COL5A1: variants seen among roughly 807,000 people sequenced by gnomAD.
The protein encoded by COL5A1 is collagen type V alpha 1 chain.
COL5A1 carries 16 observed loss-of-function variants against 263.7 expected under a neutral mutation model. That is an observed-to-expected ratio of 0.06 (90% confidence interval 0.04 to 0.09). The LOEUF (loss-of-function observed/expected upper bound fraction) is 0.09. Ranked by LOEUF, COL5A1 falls within the 10% of genes least tolerant of loss-of-function variation. COL5A1 has a pLI of 1.00. For synonymous variants in COL5A1, 1,012 were observed against 1,004.5 expected (o/e 1.01, Z -0.14); for missense variants, 2,036 against 2,540.5 (o/e 0.80, Z 4.27).
intron 11 of COL5A1, among the ~76,000 whole-genome samples, chr9:134,740,967 G>A (rs570870477): frequency 7.2e-5 from 11 of 152,236 alleles, no homozygotes; most frequent in African/African-American, 2.2e-4. Flanking sequence ...GGAGCCCACC[G>A]GCCTCCCCAG....
chr9:134,726,697 C>G (rs924183124), intron 4 of COL5A1, among the ~76,000 whole-genome samples: 69 of 140,286 alleles, frequency 4.9e-4, no homozygotes, highest in East Asian at 1.3e-3. Flanking sequence ...GATGGAAGGA[C>G]TGGTAGATGT....
Position 134,821,205 on chromosome 9 carries a change from G to A in COL5A1, c.4555-892G>A, listed in dbSNP as rs947684227. ...CACGAGAATTAGAGAGGCATCCAGG[G>A]TCCCCACGGCCAGCGGGGAAAGCAC... is the stretch of plus-strand genomic sequence containing the variant. On this transcript the variant is annotated intron_variant, in intron 58 of 65. Transcript: ENST00000371817. The surrounding 1 kb of genome is among the most constrained non-coding windows in gnomAD (Gnocchi z 4.2). Among the ~76,000 whole-genome samples, 4 of 152,000 alleles carry A rather than the reference G, an allele frequency of 2.6e-5. No individual in the cohort carries two copies. The highest frequency in any genetic ancestry group is 2.0e-4 in the Admixed American group (3 of 15,266).
At chr9:134,839,166 C>T (rs1054627946) in intron 65 of COL5A1, among the ~76,000 whole-genome samples, 9 of 152,226 alleles carry the variant, frequency 5.9e-5, no homozygotes, top group African/African-American at 1.2e-4. Context: ...GCCTGATTGA[C>T]GGGGCCGCTG....
rs374394543 is a variant in COL5A1 at position 134,738,727 on chromosome 9, A to G, written c.1432-19A>G. The G allele has an allele frequency of 3.1e-6, 5 of 1,608,730 alleles. No individual in the cohort carries two copies. In the African/African-American group the frequency reaches 5.4e-5, roughly 17 times the overall value. ...GCGGCCCCATCTTCTAACTGCCCCA[A>G]CTTTATTTTTAATTCTAGGGTCTTC... On this transcript the variant is annotated intron_variant, in intron 10 of 65. Coordinates refer to ENST00000371817, the MANE Select transcript of COL5A1 (RefSeq NM_000093.5).
chr9:134,759,470 C>T (rs1385645986), intron 18 of COL5A1, among the ~76,000 whole-genome samples: 1 of 106,502 alleles, frequency 9.4e-6, no homozygotes, highest in Non-Finnish European at 1.7e-5. Flanking sequence ...CATGCACGCA[C>T]ACACACCCAC....
At chr9:134,721,562 G>T (rs1834457910) in intron 4 of COL5A1, among the ~76,000 whole-genome samples, 1 of 152,146 alleles carries the variant, frequency 6.6e-6, no homozygotes, top group Non-Finnish European at 1.5e-5. Context: ...CCCAGGGGTG[G>T]CCCAGGGCAG....
intron 1 of COL5A1, among the ~76,000 whole-genome samples, chr9:134,669,392 A>G (rs1377025887): frequency 6.8e-6 from 1 of 146,842 alleles, no homozygotes; most frequent in Non-Finnish European, 1.5e-5. Flanking sequence ...TCATCCATCC[A>G]TCCACTTATC....
chr9:134,766,576 A>G (rs1305343482), intron 22 of COL5A1, 78 bp downstream of exon 22: 1 of 1,430,068 alleles, frequency 7.0e-7, no homozygotes, highest in African/African-American at 1.4e-5. Flanking sequence ...AGGGAGGTCC[A>G]TCGCTGTCCA....
Position 134,660,208 on chromosome 9 carries a change from C to T in COL5A1, c.109+17912C>T, listed in dbSNP as rs539139408. Among the ~76,000 whole-genome samples, 6 of 152,306 alleles carry T rather than the reference C, an allele frequency of 3.9e-5. 1 individual carries two copies. Among genetic ancestry groups the T allele is most frequent in the African/African-American group, 1.4e-4 (6 of 41,556 alleles). ...TCCACCCTTTATCCTATTAGCAGAA[C>T]GATGTGTTCTATGTGCCATGAGAGT... On this transcript the variant is annotated intron_variant, in intron 1 of 65. Transcript: ENST00000371817.
intron 6 of COL5A1, 92 bp from the exon 7 acceptor site, chr9:134,730,144 G>C (rs1457221489): frequency 2.2e-5 from 35 of 1,570,448 alleles, no homozygotes; most frequent in Non-Finnish European, 2.9e-5. Flanking sequence ...TTGCCACTGA[G>C]ATGCCTGCAC....
intron 48 of COL5A1, 55 bp downstream of exon 48, chr9:134,812,767 TG>T: frequency 1.1e-6 from 1 of 938,778 alleles, no homozygotes; most frequent in African/African-American, 2.4e-5. Flanking sequence ...GGAGTGTGTG[TG>T]TGTGTCTGTG....
At chr9:134,761,629 C>T (rs1402181849) in intron 18 of COL5A1, among the ~76,000 whole-genome samples, 3 of 152,192 alleles carry the variant, frequency 2.0e-5, no homozygotes, top group Non-Finnish European at 2.9e-5. Flanking sequence ...GCTCAGACCT[C>T]GGCTCAGTGT....
chr9:134,694,570 T>G (rs771020696), intron 2 of COL5A1, among the ~76,000 whole-genome samples: 7 of 152,186 alleles, frequency 4.6e-5, no homozygotes, highest in Non-Finnish European at 8.8e-5. Flanking sequence ...AGGCTAGAAT[T>G]TCCCCCCTCA....
intron 1 of COL5A1, among the ~76,000 whole-genome samples, chr9:134,664,747 A>G (rs1043724234): frequency 1.3e-5 from 2 of 152,170 alleles, no homozygotes; most frequent in African/African-American, 2.4e-5. Flanking sequence ...GGCATTTGGC[A>G]ATATCTATCC....
Position 134,682,256 on chromosome 9 carries a change from C to T in COL5A1, c.110-8656C>T, listed in dbSNP as rs927262530. Reference sequence around the variant, plus strand: ...ACTATTCGGCTGGGTGCCAGGGACCCAGCCTAGTGCCTCGCCTTCCCCCAG... The same window carrying T: ...ACTATTCGGCTGGGTGCCAGGGACCTAGCCTAGTGCCTCGCCTTCCCCCAG... On this transcript the variant is annotated intron_variant, in intron 1 of 65. Transcript: ENST00000371817. This position sits in a 1 kb window ranked among gnomAD's most constrained non-coding sequence, Gnocchi z 5.1. 2.0e-5 allele frequency among the ~76,000 whole-genome samples: 3 copies of T among 152,180 alleles called. No homozygotes were observed. Among genetic ancestry groups the T allele is most frequent in the Admixed American group, 2.0e-4 (3 of 15,278 alleles).
chr9:134,753,760 C>T lies in COL5A1; in HGVS notation c.1720-90C>T, dbSNP rs576376650. On this transcript the variant is annotated intron_variant, in intron 14 of 65. Transcript: ENST00000371817. ...CACCGTGGCCGAAGCCCTGTCCCCT[C>T]CCCCTGCCCCTCCCCTGCCACCCCC... 23 of 627,858 alleles carry T rather than the reference C, an allele frequency of 3.7e-5. No homozygotes were observed. In the East Asian group the frequency reaches 7.3e-4, roughly 20 times the overall value. 38.9% of individuals were successfully genotyped at this position (627,858 alleles called of 1,614,324 possible).
intron 49 of COL5A1, 72 bp from the exon 50 acceptor site, chr9:134,814,725 G>A (rs1050874898): frequency 1.0e-5 from 12 of 1,160,338 alleles, no homozygotes; most frequent in Middle Eastern, 1.9e-4. Context: ...TGAGAAAACC[G>A]GGGAGGCCCA....
intron 18 of COL5A1, among the ~76,000 whole-genome samples, chr9:134,759,476 CCCA>C (rs1836160722): frequency 8.8e-6 from 1 of 113,862 alleles, no homozygotes; most frequent in African/African-American, 4.3e-5. Flanking sequence ...CGCACACACA[CCCA>C]CACACACCCA....
chr9:134,745,985 A>C (rs543506586), intron 11 of COL5A1, among the ~76,000 whole-genome samples: 1 of 152,046 alleles, frequency 6.6e-6, no homozygotes, highest in East Asian at 1.9e-4. Context: ...CTCTTCCCTT[A>C]CAAGGACTCA....
Sources: gnomAD v4.1 joint callset for allele counts (sites outside exome capture counted in the v4.1 genomes callset) on GRCh38, gnomAD v4.1.1 for gene constraint, Gnocchi (gnomAD v3.1) non-coding constraint, MANE v1.5 for transcripts, NCBI Gene and HGNC (gene_info 2026-07-23, HGNC 2026-07-21) for gene names.